THRAP3: variants seen among roughly 807,000 people sequenced by gnomAD.
THRAP3 encodes thyroid hormone receptor associated protein 3, also known as thyroid hormone receptor-associated protein 3.
THRAP3 carries 16 observed loss-of-function variants against 101.0 expected under a neutral mutation model. That is an observed-to-expected ratio of 0.16 (90% CI 0.11 to 0.24). The LOEUF (loss-of-function observed/expected upper bound fraction) is 0.24, where lower values mean the gene tolerates loss of function less well. Ranked by LOEUF, THRAP3 falls within the 10% of genes least tolerant of loss-of-function variation. THRAP3 has a pLI of 1.00. For synonymous variants in THRAP3, 407 were observed against 422.6 expected (o/e 0.96, Z 0.45); for missense variants, 989 against 1,202.7 (o/e 0.82, Z 2.63).
At chr1:36,250,082 A>C (rs1193744229) in intron 1 of THRAP3, among the ~76,000 whole-genome samples, 1 of 152,190 alleles carries the variant, frequency 6.6e-6, no homozygotes, top group Non-Finnish European at 1.5e-5. Context: ...AGTTTGGATG[A>C]AAATTTTTAC....
intron 5 of THRAP3, among the ~76,000 whole-genome samples, chr1:36,290,382 G>A (rs1199703756): frequency 3.9e-5 from 6 of 151,904 alleles, no homozygotes; most frequent in African/African-American, 1.5e-4. Context: ...GTAGAGATGG[G>A]GTTTCACCGT....
Position 36,300,982 on chromosome 1 carries a change from G to A in THRAP3, c.2400G>A (p.Glu800=). Residue 800 remains glutamate (E), a synonymous_variant, in exon 10 of 12, where the codon GAG becomes GAA. Coordinates refer to ENST00000354618, the MANE Select transcript of THRAP3 (RefSeq NM_005119.4). ...CAGAAGAGTACACTGAAGAGACAGAGGAAAGAGAGGAGAGCACCACGGGCT... is the reference window on the plus strand; with the variant it reads ...CAGAAGAGTACACTGAAGAGACAGAAGAAAGAGAGGAGAGCACCACGGGCT... ...YKAEEYTEET[E]EREESTTGFD... 1.2e-6 allele frequency: 2 copies of A among 1,614,200 alleles called. No individual in the cohort carries two copies. The highest frequency in any genetic ancestry group is 1.7e-6 in the Non-Finnish European group (2 of 1,180,036).
Position 36,304,389 on chromosome 1 carries a change from G to T in THRAP3, c.*372G>T. On this transcript the variant is annotated 3_prime_UTR_variant, in exon 12 of 12. Coordinates refer to ENST00000354618, the MANE Select transcript of THRAP3 (RefSeq NM_005119.4). ...ATTTCATTTCATTTGGAGCTAAGAT[G>T]ACTAATTTGATGATTTTCGATCTCT... The T allele has an allele frequency of 4.3e-6, 1 of 234,460 alleles. No homozygotes were observed. The highest frequency in any genetic ancestry group is 6.1e-5 in the East Asian group (1 of 16,428). The allele number at this position is 234,460 out of a possible 1,614,324, so 14.5% of individuals were successfully genotyped here.
intron 1 of THRAP3, among the ~76,000 whole-genome samples, chr1:36,236,824 C>A (rs1570237138): frequency 6.6e-6 from 1 of 152,300 alleles, no homozygotes; most frequent in Admixed American, 6.5e-5. Flanking sequence ...AATTTGGGGA[C>A]AATTTTACTG....
chr1:36,210,569 T>C, the THRAP3 span, among the ~76,000 whole-genome samples: 12 of 140,758 alleles, frequency 8.5e-5, no homozygotes, highest in African/African-American at 3.2e-4. Context: ...CGTGCGCCTG[T>C]AATCCCGGCT....
the THRAP3 span, among the ~76,000 whole-genome samples, chr1:36,214,042 GAAA>G: frequency 3.9e-3 from 534 of 135,580 alleles, 3 homozygotes; most frequent in Admixed American, 7.1e-3. Context: ...AAGAAAGAAA[GAAA>G]GAAAGAAAGA....
chr1:36,255,215 A>G (rs1645357544), intron 1 of THRAP3, among the ~76,000 whole-genome samples: 1 of 152,214 alleles, frequency 6.6e-6, no homozygotes, highest in Non-Finnish European at 1.5e-5. Context: ...ACAAGAACAC[A>G]TTAGTCCTCA....
At chr1:36,215,173 G>A in the THRAP3 span, among the ~76,000 whole-genome samples, 5 of 151,968 alleles carry the variant, frequency 3.3e-5, no homozygotes, top group African/African-American at 9.6e-5. Flanking sequence ...GCAGTGAGCC[G>A]AGACTGCGCC....
rs191144814 is a variant in THRAP3, at chr1:36,244,042, C to T, written c.-134-15340C>T. 7.4e-3 allele frequency among the ~76,000 whole-genome samples: 1,120 copies of T among 151,336 alleles called. 32 individuals are homozygous for T. In the East Asian group the frequency reaches 0.1, roughly 14 times the overall value. On this transcript the variant is annotated intron_variant, in intron 1 of 11. Coordinates refer to ENST00000354618, the MANE Select transcript of THRAP3 (RefSeq NM_005119.4). Reference sequence around the variant, plus strand: ...GGGGCTGACCCCCCCACCTCCCTCCCGGACGGGGCGGCTGGCCGGGCAGAG... The same window carrying T: ...GGGGCTGACCCCCCCACCTCCCTCCTGGACGGGGCGGCTGGCCGGGCAGAG...
intron 2 of THRAP3, among the ~76,000 whole-genome samples, chr1:36,275,020 T>A (rs1645638823): frequency 6.9e-6 from 1 of 145,688 alleles, no homozygotes. Context: ...ACACCTGTAA[T>A]CCCAGCACTT....
At chr1:36,224,176 C>T (rs1325663990), upstream of THRAP3, among the ~76,000 whole-genome samples, 1 of 152,250 alleles carries the variant, frequency 6.6e-6, no homozygotes, top group East Asian at 1.9e-4. Context: ...AACGCCCCCG[C>T]CCCTTCCGTC....
intron 1 of THRAP3, among the ~76,000 whole-genome samples, chr1:36,255,546 A>G (rs1047672253): frequency 1.3e-5 from 2 of 152,014 alleles, no homozygotes; most frequent in African/African-American, 2.4e-5. Context: ...AGGTGGGCGG[A>G]TCATTTGAGG....
intron 1 of THRAP3, among the ~76,000 whole-genome samples, chr1:36,238,790 C>T (rs944300624): frequency 6.6e-6 from 1 of 151,982 alleles, no homozygotes; most frequent in African/African-American, 2.4e-5. Context: ...ACTACTGCCC[C>T]TCAAACTCCT....
rs1645589888 is a variant in THRAP3, at chr1:36,271,436, A to C, written c.-31-11097A>C. 2.0e-5 allele frequency among the ~76,000 whole-genome samples: 3 copies of C among 150,386 alleles called. No individual in the cohort carries two copies. In the South Asian group the frequency reaches 6.3e-4, roughly 32 times the overall value. ...TAGCTGGGATTACAGGTGCATGCCA[A>C]CACACCTGGCTAATTCTTGTATTTT... On this transcript the variant is annotated intron_variant, in intron 2 of 11. Coordinates refer to ENST00000354618, the MANE Select transcript of THRAP3 (RefSeq NM_005119.4).
chr1:36,302,385 GTGGATGGCTATGCGTGGCCACCAT>G (rs1241771022), intron 11 of THRAP3, among the ~76,000 whole-genome samples: 1 of 152,212 alleles, frequency 6.6e-6, no homozygotes, highest in Non-Finnish European at 1.5e-5. Context: ...CAGGTTGTGT[GTGGATGGCTATGCGTGGCCACCAT>G]CCCTTTTCTA....
intron 1 of THRAP3, among the ~76,000 whole-genome samples, chr1:36,244,649 A>G (rs894908004): frequency 6.6e-5 from 10 of 151,386 alleles, no homozygotes; most frequent in East Asian, 1.9e-4. Context: ...TGTGAGTTCT[A>G]TTTCCATTGC....
At chr1:36,232,425 C>T (rs1179915268) in intron 1 of THRAP3, among the ~76,000 whole-genome samples, 1 of 152,126 alleles carries the variant, frequency 6.6e-6, no homozygotes, top group Non-Finnish European at 1.5e-5. Flanking sequence ...CCTTTCTTGA[C>T]TCCTCTATAA....
intron 2 of THRAP3, among the ~76,000 whole-genome samples, chr1:36,273,268 C>T (rs993100485): frequency 1.3e-5 from 2 of 152,106 alleles, no homozygotes; most frequent in Non-Finnish European, 2.9e-5. Flanking sequence ...CGTCCTGAGG[C>T]CTGGTTAGAG....
chr1:36,295,353 C>T (rs1004464929), intron 8 of THRAP3, among the ~76,000 whole-genome samples: 22 of 151,408 alleles, frequency 1.5e-4, no homozygotes, highest in Non-Finnish European at 2.1e-4. Context: ...CTGCTCATTT[C>T]TTCCTCCCTG....
Sources: allele counts gnomAD v4.1 joint callset (sites outside exome capture counted in the v4.1 genomes callset), GRCh38; gene constraint gnomAD v4.1.1; transcripts MANE v1.5; gene names NCBI Gene and HGNC (gene_info 2026-07-23, HGNC 2026-07-21).